The following TMEM266 variants were observed in gnomAD, a reference collection of about 807,000 sequenced individuals.
The protein encoded by TMEM266 is transmembrane protein 266.
A neutral mutation model predicts 50.5 loss-of-function variants in TMEM266; 33 were observed. The observed-to-expected ratio is 0.65, with a 90% CI of 0.50 to 0.87. The LOEUF is 0.87. Among genes scored for constraint, TMEM266 ranks in the 40% least tolerant of loss-of-function variants. TMEM266 has a pLI of 0.00. For synonymous variants in TMEM266, 310 were observed against 292.3 expected, an observed-to-expected ratio of 1.06 and a Z score of -0.62; for missense variants, 655 against 695.1, an observed-to-expected ratio of 0.94 and a Z score of 0.65.
chr15:76,166,738 GGAT>G (rs1342098669), intron 5 of TMEM266, among the ~76,000 whole-genome samples: 33 of 152,302 alleles, frequency 2.2e-4, no homozygotes, highest in African/African-American at 7.9e-4. Context: ...TCTTATTTGA[GGAT>G]CCTAAAGGAG....
intron 1 of TMEM266, among the ~76,000 whole-genome samples, chr15:76,108,296 G>A (rs564325222): frequency 2.4e-4 from 36 of 152,338 alleles, no homozygotes; most frequent in Admixed American, 1.2e-3. Flanking sequence ...CCTCGGGTTT[G>A]CTCAGTGCCC....
chr15:76,145,051 C>G (rs1567166371), intron 3 of TMEM266, among the ~76,000 whole-genome samples: 1 of 152,228 alleles, frequency 6.6e-6, no homozygotes, highest in Non-Finnish European at 1.5e-5. Flanking sequence ...CTCACACTCA[C>G]TGATGCAGGT....
rs1252669114 is a variant in TMEM266, at chr15:76,130,241, AAAAAAAAAAAAAAC to A, written c.-96-3926_-96-3913del. ...GTCAAAAAAAAAAAAAAAAAAAAAA[AAAAAAAAAAAAAAC>A]CGCCGGGTGCAGTGTCTCATGCCTG... On this transcript the variant is annotated intron_variant, in intron 1 of 10. Transcript: ENST00000388942. Among the ~76,000 whole-genome samples the A allele has an allele frequency of 1.8e-4, 25 of 137,084 alleles. 3 individuals are homozygous for A. Among genetic ancestry groups the A allele is most frequent in the African/African-American group, 4.8e-4 (18 of 37,254 alleles). The allele number at this position is 137,084 out of a possible 152,430, so 89.9% of individuals were successfully genotyped here.
chr15:76,094,598 G>C (rs1489305254), intron 1 of TMEM266, among the ~76,000 whole-genome samples: 1 of 152,038 alleles, frequency 6.6e-6, no homozygotes, highest in Admixed American at 6.5e-5. Flanking sequence ...TGGCTATGCA[G>C]GCTCTTTTTT....
rs1047165693 is a variant in TMEM266 at position 76,161,567 on chromosome 15, G to C, written c.456+1399G>C. The stretch of plus-strand genomic sequence containing the variant: ...TGGGGTGTGGTGGGCCGGGCAGCAG[G>C]CATTCCAAGCATGGAACATTCCCTT... On this transcript the variant is annotated intron_variant, in intron 5 of 10. Transcript: ENST00000388942. The surrounding 1 kb of genome is among the most constrained non-coding windows in gnomAD (Gnocchi z 4.1). Among the ~76,000 whole-genome samples, 10 of 152,150 alleles carry C rather than the reference G, an allele frequency of 6.6e-5. No homozygotes were observed. The highest frequency in any genetic ancestry group is 3.9e-4 in the Admixed American group (6 of 15,288).
At chr15:76,181,939 C>G (rs540267408) in intron 8 of TMEM266, among the ~76,000 whole-genome samples, 10 of 152,286 alleles carry the variant, frequency 6.6e-5, no homozygotes, top group African/African-American at 2.4e-4. Context: ...TGACCTGGCC[C>G]ACTGTGGAAG....
chr15:76,068,897 C>G (rs915734103), intron 1 of TMEM266, among the ~76,000 whole-genome samples: 4 of 152,214 alleles, frequency 2.6e-5, no homozygotes, highest in African/African-American at 9.6e-5. Flanking sequence ...TGCAAGAGGT[C>G]AAGCTACTAA....
chr15:76,064,868 T>G (rs1307752085), intron 1 of TMEM266, among the ~76,000 whole-genome samples: 1 of 152,234 alleles, frequency 6.6e-6, no homozygotes, highest in African/African-American at 2.4e-5. Context: ...TTCCCTTGGC[T>G]CAAAACAGGT....
At chr15:76,085,866 G>A (rs1202368970) in intron 1 of TMEM266, among the ~76,000 whole-genome samples, 1 of 152,070 alleles carries the variant, frequency 6.6e-6, no homozygotes, top group Non-Finnish European at 1.5e-5. Context: ...GGCCAACATG[G>A]TGAAACCCTA....
At chr15:76,120,488 C>T (rs755538068) in intron 1 of TMEM266, among the ~76,000 whole-genome samples, 1 of 151,860 alleles carries the variant, frequency 6.6e-6, no homozygotes. Context: ...AGGCCGGGTG[C>T]GGTGGCTCAC....
rs1428447492 is a variant in TMEM266, at chr15:76,139,965, G to T, written c.227+2070G>T. Among the ~76,000 whole-genome samples the T allele has an allele frequency of 6.6e-6, 1 of 152,180 alleles. No individual in the cohort carries two copies. Among genetic ancestry groups the T allele is most frequent in the Non-Finnish European group, 1.5e-5 (1 of 68,034 alleles). On this transcript the variant is annotated intron_variant, in intron 3 of 10. Transcript: ENST00000388942. The surrounding 1 kb of genome is among the most constrained non-coding windows in gnomAD (Gnocchi z 4.1). Reference sequence around the variant, plus strand: ...TGTGCTGTGGTGTACCCCTTTCCAGGTATCCCCTGTGTATCACTCCCTAGC... The same window carrying T: ...TGTGCTGTGGTGTACCCCTTTCCAGTTATCCCCTGTGTATCACTCCCTAGC...
At chr15:76,196,418 C>T (rs1207516110) in intron 9 of TMEM266, among the ~76,000 whole-genome samples, 1 of 152,208 alleles carries the variant, frequency 6.6e-6, no homozygotes, top group Non-Finnish European at 1.5e-5. Context: ...TTCACAGCCT[C>T]GCATGGTCCA....
At chr15:76,137,139 C>T (rs946654510) in intron 2 of TMEM266, among the ~76,000 whole-genome samples, 1 of 152,156 alleles carries the variant, frequency 6.6e-6, no homozygotes, top group African/African-American at 2.4e-5. Flanking sequence ...GAGTGGCTAC[C>T]AGGGACAGCT....
rs149910362 is a variant in TMEM266 at position 76,161,603 on chromosome 15, C to T, written c.456+1435C>T. 7.2e-5 allele frequency among the ~76,000 whole-genome samples: 11 copies of T among 152,246 alleles called. No homozygotes were observed. Among genetic ancestry groups the T allele is most frequent in the East Asian group, 3.9e-4 (2 of 5,182 alleles). On this transcript the variant is annotated intron_variant, in intron 5 of 10. Coordinates refer to ENST00000388942, the MANE Select transcript of TMEM266 (RefSeq NM_152335.3). This position sits in a 1 kb window ranked among gnomAD's most constrained non-coding sequence, Gnocchi z 4.1. The stretch of plus-strand genomic sequence containing the variant: ...ATGGAACATTCCCTTTCCTGGGCCT[C>T]GCCTCCTACAGCCCACGGAGCTGGC...
At chr15:76,171,231 G>A (rs1161892569) in intron 7 of TMEM266, 100 bp downstream of exon 7, 27 of 1,482,312 alleles carry the variant, frequency 1.8e-5, no homozygotes, top group East Asian at 7.1e-5. Context: ...CCCTGCTGGC[G>A]TCAGGACGGA....
At chr15:76,084,738 C>G (rs1344822864) in intron 1 of TMEM266, among the ~76,000 whole-genome samples, 3 of 151,668 alleles carry the variant, frequency 2.0e-5, no homozygotes, top group Admixed American at 2.0e-4. Context: ...GTAGCTGGGA[C>G]TACAGGCTCA....
At chr15:76,107,836 G>A (rs937566811) in intron 1 of TMEM266, among the ~76,000 whole-genome samples, 2 of 152,198 alleles carry the variant, frequency 1.3e-5, no homozygotes, top group African/African-American at 4.8e-5. Context: ...AACCCACACT[G>A]CTGATTCCCA....
chr15:76,160,082 G>T lies in TMEM266; in HGVS notation c.383-13G>T, dbSNP rs138850910. On this transcript the variant is annotated splice_polypyrimidine_tract_variant and intron_variant, in intron 4 of 10. Coordinates refer to ENST00000388942, the MANE Select transcript of TMEM266 (RefSeq NM_152335.3). The surrounding 1 kb of genome is among the most constrained non-coding windows in gnomAD (Gnocchi z 5.7). ...CTCACTCCTAAAATTGGTCCTTATC[G>T]TGTCCATTGCAGTTTCCAGCGCATT... 1,400 of 1,613,688 alleles carry T rather than the reference G, an allele frequency of 8.7e-4. 15 individuals carry two copies. The African/African-American group carries it at 0.017, about 19-fold the overall frequency.
rs75526658 is a variant in TMEM266, at chr15:76,154,975, G to A, written c.228-1629G>A. 6.6e-5 allele frequency among the ~76,000 whole-genome samples: 10 copies of A among 152,310 alleles called. No individual in the cohort carries two copies. The South Asian group carries it at 1.0e-3, about 16-fold the overall frequency. On this transcript the variant is annotated intron_variant, in intron 3 of 10. Transcript: ENST00000388942. ...CAGCCCCCTTCCCAACCCCATGTTC[G>A]GACCATCAGATATTTTATCATCATC...
Sources: gnomAD v4.1 joint callset for allele counts (sites outside exome capture counted in the v4.1 genomes callset) on GRCh38, gnomAD v4.1.1 for gene constraint, Gnocchi (gnomAD v3.1) non-coding constraint, MANE v1.5 for transcripts, NCBI Gene and HGNC (gene_info 2026-07-23, HGNC 2026-07-21) for gene names.